ATP5F1B: variants seen among roughly 807,000 people sequenced by gnomAD.
ATP5F1B encodes ATP synthase F(1) complex subunit beta, mitochondrial.
Under a neutral mutation model 45.9 loss-of-function variants are expected in ATP5F1B, and 17 were observed. The observed-to-expected ratio is 0.37, with a 90% CI of 0.25 to 0.56. The LOEUF (loss-of-function observed/expected upper bound fraction) is 0.56, where lower values mean the gene tolerates loss of function less well. ATP5F1B is among the 20% of genes least tolerant of loss of function. ATP5F1B has a pLI of 0.80. For missense variants in ATP5F1B, 387 were observed against 673.2 expected, an observed-to-expected ratio of 0.57 and a Z score of 4.70; for synonymous variants, 218 against 256.5, an observed-to-expected ratio of 0.85 and a Z score of 1.43.
Position 56,639,999 on chromosome 12 carries a change from C to A in ATP5F1B, c.1268G>T (p.Gly423Val). ...ACTCACCTGCAGGATCTTTTGCACC[C>A]CACGGGCAACATCGTAATGCTCACT... Reference protein sequence around the residue: ...VGSEHYDVARGVQKILQDYKS... With the variant: ...VGSEHYDVARVVQKILQDYKS... Residue 423 changes from glycine to valine, a missense_variant, in exon 8 of 10, where the codon GGG (glycine) becomes GTG (valine). Gly to Val is a moderately radical substitution (Grantham distance 109). This residue lies in a region of ATP5F1B where 154 missense variants were observed against 361.4 expected (regional missense o/e 0.43). Transcript: ENST00000262030. 6.2e-7 allele frequency: 1 copy of A among 1,613,970 alleles called. No homozygotes were observed. Among genetic ancestry groups the A allele is most frequent in the Non-Finnish European group, 8.5e-7 (1 of 1,179,972 alleles).
In ATP5F1B at chr12:56,645,955, C is replaced by A. The variant is rs1363188535; in HGVS notation, c.9G>T (p.Gly3=). The change falls in exon 1 of 10, where the codon GGG becomes GGT. Residue 3 remains glycine, a synonymous_variant. Coordinates refer to ENST00000262030, the MANE Select transcript of ATP5F1B (RefSeq NM_001686.4). ML[G]FVGRVAAAPA... ...GAGCAGCGGCCACCCGACCCACAAA[C>A]CCCAACATGGCGTAGTCCGGGTGGA... 3 of 1,603,986 alleles carry A rather than the reference C, an allele frequency of 1.9e-6. No individual in the cohort carries two copies. Among genetic ancestry groups the A allele is most frequent in the Admixed American group, 1.7e-5 (1 of 58,356 alleles).
intron 3 of ATP5F1B, 21 bp from the exon 4 acceptor site, chr12:56,643,979 A>G (rs1951532002): frequency 7.4e-6 from 12 of 1,612,076 alleles, no homozygotes; most frequent in Non-Finnish European, 1.0e-5. Flanking sequence ...AGAAGAGAGG[A>G]TAGTATCTAT....
chr12:56,639,947 C>G, intron 8 of ATP5F1B, 33 bp downstream of exon 8: 1 of 1,609,628 alleles, frequency 6.2e-7, no homozygotes, highest in East Asian at 2.2e-5. Context: ...TTTTGACTTT[C>G]CGGACACTGA....
At chr12:56,640,338 C>G (rs1237876499) in intron 7 of ATP5F1B, 146 bp from the exon 8 acceptor site, 1 of 670,982 alleles carries the variant, frequency 1.5e-6, no homozygotes, top group East Asian at 3.0e-5. Flanking sequence ...AAGCAATTCT[C>G]TGTCTCAGCT....
rs1470123194 is a variant in ATP5F1B, at chr12:56,643,836, C to A, written c.607+1G>T. ...AAAATATGTACCCCTTAATAACATA[C>A]CAATTTTGCCACCCTTGGCATAGGG... On this transcript the variant is annotated splice_donor_variant, in intron 4 of 9. Transcript: ENST00000262030. LOFTEE classifies it high-confidence loss of function. 2.5e-6 allele frequency: 4 copies of A among 1,614,110 alleles called. No homozygotes were observed. The highest frequency in any genetic ancestry group is 1.7e-5 in the Admixed American group (1 of 60,016).
Position 56,642,467 on chromosome 12 carries a change from G to A in ATP5F1B, c.1065C>T (p.Thr355=), listed in dbSNP as rs1355609758. The change falls in exon 7 of 10, where the codon ACC becomes ACT. Residue 355 remains threonine (T), a synonymous_variant. Transcript: ENST00000262030. The part of the protein sequence containing the change: ...RITTTKKGSI[T]SVQAIYVPAD... ...ATGTAATTTTTCTTACCTGTACAGA[G>A]GTGATAGATCCCTTCTTGGTAGTGG... 3 of 1,613,902 alleles carry A rather than the reference G, an allele frequency of 1.9e-6. No homozygotes were observed. Among genetic ancestry groups the A allele is most frequent in the Non-Finnish European group, 2.5e-6 (3 of 1,180,028 alleles).
chr12:56,638,466 G>T, intron 9 of ATP5F1B, 43 bp from the exon 10 acceptor site: 4 of 1,449,594 alleles, frequency 2.8e-6, no homozygotes, highest in Non-Finnish European at 3.8e-6. Flanking sequence ...AGAAGCGGAG[G>T]GATATCAACT....
At chr12:56,642,288 GC>G (rs1951518222) in intron 7 of ATP5F1B, among the ~76,000 whole-genome samples, 169 bp downstream of exon 7, 1 of 132,050 alleles carries the variant, frequency 7.6e-6, no homozygotes, top group African/African-American at 2.9e-5. Context: ...GAACCACCAC[GC>G]CTGGCCCAGT....
intron 3 of ATP5F1B, among the ~76,000 whole-genome samples, chr12:56,644,428 T>C (rs1592224038): frequency 6.6e-6 from 1 of 151,972 alleles, no homozygotes; most frequent in African/African-American, 2.4e-5. Context: ...CTGGCCAACA[T>C]GGTGAAACCC....
At position 56,642,796 on chromosome 12, in the gene ATP5F1B, A is replaced by G; in HGVS notation, c.828T>C (p.Pro276=). The G allele has an allele frequency of 6.2e-7, 1 of 1,614,166 alleles. No homozygotes were observed. The highest frequency in any genetic ancestry group is 1.1e-5 in the South Asian group (1 of 91,086). ...ALVYGQMNEP[P]GARARVALTG... ...TCAGAGCTACCCGGGCACGAGCACC[A>G]GGTGGTTCATTCATTTGACCATATA... The change falls in exon 6 of 10, where the codon CCT becomes CCC. Residue 276 remains proline (P), a synonymous_variant. Transcript: ENST00000262030.
rs1277662441 is a variant in ATP5F1B at position 56,645,843 on chromosome 12, G to A, written c.121C>T (p.His41Tyr). 6.2e-7 allele frequency: 1 copy of A among 1,608,656 alleles called. No individual in the cohort carries two copies. Among genetic ancestry groups the A allele is most frequent in the African/African-American group, 1.3e-5 (1 of 74,864 alleles). ...CCTAGAGAAAAGCACTTACCAGGATGGACCGCCGTCGGAGCGGCCCGCAGT... is the reference window on the plus strand; with the variant it reads ...CCTAGAGAAAAGCACTTACCAGGATAGACCGCCGTCGGAGCGGCCCGCAGT... ...LLLRAAPTAV[H>Y]PVRDYAAQTS... Residue 41 changes from histidine (H) to tyrosine (Y), a missense_variant, in exon 1 of 10, where the codon CAT (histidine) becomes TAT (tyrosine). Transcript: ENST00000262030.
In ATP5F1B at chr12:56,643,517, G is replaced by A. The variant is rs1300420727; in HGVS notation, c.678C>T (p.Ala226=). The A allele has an allele frequency of 6.2e-7, 1 of 1,613,898 alleles. No homozygotes were observed. Among genetic ancestry groups the A allele is most frequent in the African/African-American group, 1.3e-5 (1 of 74,868 alleles). ...CAGCAAACACAGAGTAACCACCATGGGCTTTGGCGACATTGTTGATTAACT... is the reference window on the plus strand; with the variant it reads ...CAGCAAACACAGAGTAACCACCATGAGCTTTGGCGACATTGTTGATTAACT... ...IMELINNVAK[A]HGGYSVFAGV... is the part of the protein sequence containing the mutation. The change falls in exon 5 of 10, where the codon GCC becomes GCT. Residue 226 remains alanine (A), a synonymous_variant. Transcript: ENST00000262030.
intron 7 of ATP5F1B, among the ~76,000 whole-genome samples, chr12:56,641,436 G>A (rs1402017532): frequency 6.6e-6 from 1 of 151,472 alleles, no homozygotes; most frequent in Non-Finnish European, 1.5e-5. Context: ...ACTGAATCAT[G>A]AAAAGTTCCT....
In ATP5F1B at chr12:56,645,297, G is replaced by C; in HGVS notation, c.184C>G (p.Arg62Gly). Reference protein sequence around the residue: ...PSPKAGAATGRIVAVIGAVVD... With the variant: ...PSPKAGAATGGIVAVIGAVVD... ...ACTGCGCCAATGACCGCCACGATGCGCCCGGTGGCGGCGCCTGCTTTTGGC... is the reference window on the plus strand; with the variant it reads ...ACTGCGCCAATGACCGCCACGATGCCCCCGGTGGCGGCGCCTGCTTTTGGC... Residue 62 changes from arginine to glycine, a missense_variant, in exon 2 of 10, where the codon CGC becomes GGC. Around this residue, in one of 6 missense-constraint regions of ATP5F1B, gnomAD observed 113 missense variants for 168.0 expected, o/e 0.67. Transcript: ENST00000262030. 1 of 1,614,188 alleles carries C rather than the reference G, an allele frequency of 6.2e-7. No individual in the cohort carries two copies. The highest frequency in any genetic ancestry group is 8.5e-7 in the Non-Finnish European group (1 of 1,180,020).
chr12:56,642,957 G>GT, intron 5 of ATP5F1B, 126 bp from the exon 6 acceptor site: 1 of 1,067,644 alleles, frequency 9.4e-7, no homozygotes, highest in Non-Finnish European at 1.3e-6. Context: ...TTGTGTGCAA[G>GT]TTTCTTTTCC....
At chr12:56,644,468 G>T (rs931047486) in intron 3 of ATP5F1B, among the ~76,000 whole-genome samples, 1 of 151,884 alleles carries the variant, frequency 6.6e-6, no homozygotes, top group Non-Finnish European at 1.5e-5. Context: ...AAAATTAGCC[G>T]GGCATGATGG....
In ATP5F1B at chr12:56,638,430, G is replaced by T; in HGVS notation, c.1490-7C>A. The T allele has an allele frequency of 6.3e-7, 1 of 1,588,682 alleles. No homozygotes were observed. ...GGGAGATGGTCATATTCACCTGTATGATGGGGGAGAAAAAAAAAAAGAGTA... is the reference window on the plus strand; with the variant it reads ...GGGAGATGGTCATATTCACCTGTATTATGGGGGAGAAAAAAAAAAAGAGTA... On this transcript the variant is annotated splice_region_variant and splice_polypyrimidine_tract_variant and intron_variant, in intron 9 of 9. Coordinates refer to ENST00000262030, the MANE Select transcript of ATP5F1B (RefSeq NM_001686.4).
chr12:56,645,713 C>A, intron 1 of ATP5F1B, 124 bp downstream of exon 1: 1 of 1,501,724 alleles, frequency 6.7e-7, no homozygotes, highest in East Asian at 2.5e-5. Context: ...CATTAGAGAG[C>A]AAGACGCGGC....
chr12:56,642,646 C>G, intron 6 of ATP5F1B, 27 bp downstream of exon 6: 1 of 1,614,046 alleles, frequency 6.2e-7, no homozygotes, highest in Non-Finnish European at 8.5e-7. Flanking sequence ...CCAGATGAAC[C>G]AGGTCCTCTC....
Sources: allele counts gnomAD v4.1 joint callset (sites outside exome capture counted in the v4.1 genomes callset), GRCh38; gene constraint gnomAD v4.1.1; regional missense constraint gnomAD v4.1.1; transcripts MANE v1.5; gene names NCBI Gene and HGNC (gene_info 2026-07-23, HGNC 2026-07-21).